RPRD2: variants seen among roughly 807,000 people sequenced by gnomAD.
RPRD2 encodes regulation of nuclear pre-mRNA domain containing 2.
A neutral mutation model predicts 104.4 loss-of-function variants in RPRD2; 12 were observed. The observed-to-expected ratio is 0.11, with a 90% CI of 0.07 to 0.19. RPRD2 has a LOEUF of 0.19. RPRD2 is among the 10% of genes least tolerant of loss of function. The pLI is 1.00. For missense variants in RPRD2, 1,543 were observed against 1,790.1 expected (o/e 0.86, Z 2.49); for synonymous variants, 714 against 684.9 (o/e 1.04, Z -0.66).
chr1:150,417,864 CTTG>C, intron 2 of RPRD2, 139 bp downstream of exon 2: 1 of 495,026 alleles, frequency 2.0e-6, no homozygotes, highest in African/African-American at 2.0e-5. Context: ...TTATTACTTT[CTTG>C]TTAACACACG....
At chr1:150,470,463 C>T in intron 10 of RPRD2, 98 bp from the exon 11 acceptor site, 1 of 1,268,948 alleles carries the variant, frequency 7.9e-7, no homozygotes, top group Non-Finnish European at 1.1e-6. Context: ...CTATCTGGTT[C>T]CCACCAAAAT....
At position 150,419,027 on chromosome 1, in the gene RPRD2, A is replaced by C. The variant is rs144476110; in HGVS notation, c.335+1302A>C. ...ACTCCGTCTCAAAACAAAACAAAAC[A>C]AAACCACAGCATTTCCTAAACTCTG... On this transcript the variant is annotated intron_variant, in intron 2 of 10. Transcript: ENST00000369068. Among the ~76,000 whole-genome samples the C allele has an allele frequency of 7.2e-5, 11 of 152,196 alleles. No homozygotes were observed. The East Asian group carries it at 1.5e-3, about 21-fold the overall frequency.
At chr1:150,443,599 A>G (rs1299603109) in intron 5 of RPRD2, among the ~76,000 whole-genome samples, 1 of 152,226 alleles carries the variant, frequency 6.6e-6, no homozygotes, top group Non-Finnish European at 1.5e-5. Flanking sequence ...ACAGAAGGCT[A>G]TGTTTATGTA....
intron 1 of RPRD2, among the ~76,000 whole-genome samples, chr1:150,385,121 T>C (rs1553881602): frequency 6.6e-6 from 1 of 152,176 alleles, no homozygotes; most frequent in African/African-American, 2.4e-5. Flanking sequence ...AGTATTAATA[T>C]AACATTTGGG....
intron 10 of RPRD2, among the ~76,000 whole-genome samples, chr1:150,465,602 C>CT (rs1200742226): frequency 6.6e-6 from 1 of 152,158 alleles, no homozygotes; most frequent in Admixed American, 6.6e-5. Flanking sequence ...TGAGCCAAGA[C>CT]TGAAGGCCAG....
chr1:150,429,080 T>A (rs1017282526), intron 2 of RPRD2, among the ~76,000 whole-genome samples: 3 of 151,044 alleles, frequency 2.0e-5, no homozygotes, highest in African/African-American at 7.3e-5. Context: ...AAAATTGACA[T>A]TGTGGTCAGT....
chr1:150,399,802 G>C (rs1662836637), intron 1 of RPRD2, among the ~76,000 whole-genome samples: 1 of 151,434 alleles, frequency 6.6e-6, no homozygotes, highest in Non-Finnish European at 1.5e-5. Context: ...ATGCTGCCTT[G>C]ATTATTGTAG....
chr1:150,399,884 T>C (rs1210948519), intron 1 of RPRD2, among the ~76,000 whole-genome samples: 3 of 152,228 alleles, frequency 2.0e-5, no homozygotes, highest in African/African-American at 7.2e-5. Context: ...TGTGGGTCTT[T>C]TGTTTTTCCT....
chr1:150,401,377 A>G (rs1224927946), intron 1 of RPRD2, among the ~76,000 whole-genome samples: 4 of 151,498 alleles, frequency 2.6e-5, no homozygotes, highest in Non-Finnish European at 5.9e-5. Context: ...AGTTACAGCT[A>G]CTCGGGACGC....
intron 1 of RPRD2, among the ~76,000 whole-genome samples, chr1:150,402,886 T>C (rs1291219701): frequency 6.6e-6 from 1 of 151,958 alleles, no homozygotes; most frequent in Non-Finnish European, 1.5e-5. Context: ...GAGAATTGCT[T>C]GAACCCAGGA....
At chr1:150,443,325 C>A (rs200746348) in intron 5 of RPRD2, 42 bp downstream of exon 5, 2 of 1,338,146 alleles carry the variant, frequency 1.5e-6, no homozygotes, top group African/African-American at 2.9e-5. Flanking sequence ...GTATTATTCA[C>A]CCCTTTTGTA....
chr1:150,394,782 A>G (rs1662361437), intron 1 of RPRD2, among the ~76,000 whole-genome samples: 2 of 151,938 alleles, frequency 1.3e-5, no homozygotes, highest in South Asian at 2.1e-4. Context: ...AGGTATCACC[A>G]TGTTGCCCAG....
Position 150,368,160 on chromosome 1 carries a change from A to G in RPRD2, c.205+3241A>G, listed in dbSNP as rs1310721396. Reference sequence around the variant, plus strand: ...TTCTCATTGTTTAGATCAAATCTCAACTATTACCTCCTCAGAAAGACCTAC... The same window carrying G: ...TTCTCATTGTTTAGATCAAATCTCAGCTATTACCTCCTCAGAAAGACCTAC... On this transcript the variant is annotated intron_variant, in intron 1 of 10. Transcript: ENST00000369068. 3.4e-5 allele frequency among the ~76,000 whole-genome samples: 5 copies of G among 146,196 alleles called. No individual in the cohort carries two copies. In the Admixed American group the frequency reaches 3.4e-4, roughly 10 times the overall value.
At chr1:150,438,009 AACCGTGGCTC>A (rs1262160433) in intron 2 of RPRD2, among the ~76,000 whole-genome samples, 1 of 149,264 alleles carries the variant, frequency 6.7e-6, no homozygotes, top group Non-Finnish European at 1.5e-5. Flanking sequence ...TTGAGCCAGG[AACCGTGGCTC>A]ACGCCTGTAA....
chr1:150,461,691 A>G (rs188546533), intron 9 of RPRD2, among the ~76,000 whole-genome samples: 2 of 152,146 alleles, frequency 1.3e-5, no homozygotes, highest in African/African-American at 4.8e-5. Flanking sequence ...TAAAAAAACA[A>G]AAATTATGGC....
chr1:150,379,318 A>G (rs894692721), intron 1 of RPRD2, among the ~76,000 whole-genome samples: 2 of 152,152 alleles, frequency 1.3e-5, no homozygotes, highest in East Asian at 3.9e-4. Context: ...GAAATAATTT[A>G]TTGATTGTAA....
intron 2 of RPRD2, among the ~76,000 whole-genome samples, chr1:150,424,059 TG>T (rs1664948136): frequency 6.6e-6 from 1 of 152,108 alleles, no homozygotes; most frequent in African/African-American, 2.4e-5. Flanking sequence ...CCCAGAGTGC[TG>T]GGATTACAGG....
intron 7 of RPRD2, 29 bp downstream of exon 7, chr1:150,446,430 T>C (rs1666775750): frequency 6.7e-7 from 1 of 1,497,794 alleles, no homozygotes; most frequent in Non-Finnish European, 9.0e-7. Flanking sequence ...TGTCTTATAC[T>C]GAATGCTTGT....
intron 1 of RPRD2, among the ~76,000 whole-genome samples, chr1:150,369,441 ATTTTTTTTTTTTTTT>A (rs58054758): frequency 1.6e-4 from 9 of 57,500 alleles, no homozygotes; most frequent in South Asian, 7.7e-4. Flanking sequence ...CACCTGGCTA[ATTTTTTTTTTTTTTT>A]TTTTTTTTTT....
Sources: gnomAD v4.1 joint callset for allele counts (sites outside exome capture counted in the v4.1 genomes callset) on GRCh38, gnomAD v4.1.1 for gene constraint, MANE v1.5 for transcripts, NCBI Gene and HGNC (gene_info 2026-07-23, HGNC 2026-07-21) for gene names.